Variants in RAD51D observed in about 807,000 individuals in gnomAD.
RAD51D encodes RAD51 paralog D, also known as DNA repair protein RAD51 homolog 4.
A neutral mutation model predicts 44.1 loss-of-function variants in RAD51D; 38 were observed. The observed-to-expected ratio is 0.86, with a 90% CI of 0.67 to 1.13. The LOEUF is 1.13. Among genes scored for constraint, RAD51D ranks in the 50% most tolerant of loss-of-function variants. RAD51D has a pLI of 0.00. For missense variants in RAD51D, 390 were observed against 414.0 expected (o/e 0.94, Z 0.50); for synonymous variants, 141 against 166.6 (o/e 0.85, Z 1.18).
At chr17:35,106,530 G>T in intron 5 of RAD51D, 49 bp from the exon 6 acceptor site, 1 of 1,414,080 alleles carries the variant, frequency 7.1e-7, no homozygotes. Context: ...GAGGGAGTAG[G>T]GGGGTCAAGG....
At chr17:35,116,803 G>T in intron 3 of RAD51D, 1 of 1,363,972 alleles carries the variant, frequency 7.3e-7, no homozygotes, top group Non-Finnish European at 1.0e-6. Flanking sequence ...CTAGAATGAT[G>T]ATTTAAACAG....
rs904035145 is a variant in RAD51D, at chr17:35,100,886, G to A, written c.*67C>T. ...AGTGCCAGGTGGCAGTAAACAGCAG[G>A]CGTTACTGGGAAGAAAAGTTGGGAG... On this transcript the variant is annotated 3_prime_UTR_variant, in exon 10 of 10. Transcript: ENST00000345365. 7.5e-7 allele frequency: 1 copy of A among 1,327,244 alleles called. No homozygotes were observed. Among genetic ancestry groups the A allele is most frequent in the Admixed American group, 1.7e-5 (1 of 59,516 alleles). The allele number at this position is 1,327,244 out of a possible 1,614,324, so 82.2% of individuals were successfully genotyped here.
At chr17:35,116,919 C>T (rs2091756261) in intron 3 of RAD51D, 1 of 1,609,662 alleles carries the variant, frequency 6.2e-7, no homozygotes. Flanking sequence ...TCCATCTGTT[C>T]CTCCATGCCC....
rs1340405420 is a variant in RAD51D, at chr17:35,101,320, G to T, written c.784C>A (p.Pro262Thr). The change falls in exon 9 of 10, where the codon CCT becomes ACT. Residue 262 changes from proline to threonine, a missense_variant. Pro to Thr is a conservative substitution (Grantham distance 38). Coordinates refer to ENST00000345365, the MANE Select transcript of RAD51D (RefSeq NM_002878.4). ...AAGCTCCAGGAGCGTCCGAGGGCAG[G>T]TTTGAGCCTCCCGCTGTCCCTGTCT... Reference protein sequence around the residue: ...TRDRDSGRLKPALGRSWSFVP... With the variant: ...TRDRDSGRLKTALGRSWSFVP... 1.9e-6 allele frequency: 3 copies of T among 1,614,042 alleles called. No individual in the cohort carries two copies. Among genetic ancestry groups the T allele is most frequent in the Non-Finnish European group, 2.5e-6 (3 of 1,180,040 alleles).
rs143152962 is a variant in RAD51D, at chr17:35,096,508, C to A, written c.*4445G>T. On this transcript the variant is annotated 3_prime_UTR_variant, in exon 10 of 10. Coordinates refer to ENST00000345365, the MANE Select transcript of RAD51D (RefSeq NM_002878.4). Reference sequence around the variant, plus strand: ...AGAGCAGAAGGATGCAAAGGCTCTACGCCATTTGACAATGAGCCACTAAAT... The same window carrying A: ...AGAGCAGAAGGATGCAAAGGCTCTAAGCCATTTGACAATGAGCCACTAAAT... 4.2e-4 allele frequency: 64 copies of A among 152,356 alleles called. No homozygotes were observed. Among genetic ancestry groups the A allele is most frequent in the African/African-American group, 1.4e-3 (59 of 41,582 alleles). 9.4% of individuals were successfully genotyped at this position (152,356 alleles called of 1,614,324 possible). A position where few individuals can be genotyped will look rare whatever the true frequency, so the allele number is the denominator to read the frequency against.
intron 3 of RAD51D, among the ~76,000 whole-genome samples, chr17:35,111,999 CAT>C (rs1169413090): frequency 6.6e-6 from 1 of 152,258 alleles, no homozygotes; most frequent in East Asian, 1.9e-4. Context: ...AGATTCTACA[CAT>C]GCTTTGTTAG....
At position 35,116,028 on chromosome 17, in the gene RAD51D, G is replaced by A. The variant is rs141251245; in HGVS notation, c.263+2473C>T. ...AAGAAAGAAAGGCTAGAAACCTGGT[G>A]AGTCAGCTTTGATTCTTCACAATAC... On this transcript the variant is annotated intron_variant, in intron 3 of 9. Coordinates refer to ENST00000345365, the MANE Select transcript of RAD51D (RefSeq NM_002878.4). Among the ~76,000 whole-genome samples the A allele has an allele frequency of 7.1e-3, 837 of 117,112 alleles. 19 individuals carry two copies. In the East Asian group the frequency reaches 0.088, roughly 12 times the overall value. The allele number at this position is 117,112 out of a possible 152,430, so 76.8% of individuals were successfully genotyped here. A position where few individuals can be genotyped will look rare whatever the true frequency, so the allele number is the denominator to read the frequency against.
In RAD51D at chr17:35,099,619, C is replaced by G. The variant is rs1475972500; in HGVS notation, c.*1334G>C. 3 of 361,162 alleles carry G rather than the reference C, an allele frequency of 8.3e-6. No individual in the cohort carries two copies. Among genetic ancestry groups the G allele is most frequent in the Non-Finnish European group, 1.6e-5 (3 of 184,480 alleles). The allele number at this position is 361,162 out of a possible 1,614,324, so 22.4% of individuals were successfully genotyped here. On this transcript the variant is annotated 3_prime_UTR_variant, in exon 10 of 10. Transcript: ENST00000345365. ...CAGTTTGCCACTCCTTCCCAATCCTCCATGATTCTATCCCTGTTGCATTCA... is the reference window on the plus strand; with the variant it reads ...CAGTTTGCCACTCCTTCCCAATCCTGCATGATTCTATCCCTGTTGCATTCA...
rs772276064 is a variant in RAD51D, at chr17:35,119,725, G to C, written c.-112C>G. ...CCCTTCCTAGAGAGGACACAGGCGC[G>C]CTGGCTGCCGGAGGAGAAAGGAGAG... On this transcript the variant is annotated 5_prime_UTR_variant, in exon 1 of 10. Coordinates refer to ENST00000345365, the MANE Select transcript of RAD51D (RefSeq NM_002878.4). 1.3e-5 allele frequency: 14 copies of C among 1,085,904 alleles called. No homozygotes were observed. The highest frequency in any genetic ancestry group is 1.7e-5 in the Non-Finnish European group (12 of 723,972). The allele number at this position is 1,085,904 out of a possible 1,614,324, so 67.3% of individuals were successfully genotyped here.
intron 3 of RAD51D, 30 bp downstream of exon 3, chr17:35,118,471 T>C (rs2142473193): frequency 1.3e-6 from 2 of 1,588,468 alleles, no homozygotes; most frequent in Non-Finnish European, 1.7e-6. Flanking sequence ...CTCCTGCCTC[T>C]CTCCTTCTTC....
chr17:35,106,191 C>G, intron 6 of RAD51D, 195 bp downstream of exon 6: 1 of 728,446 alleles, frequency 1.4e-6, no homozygotes, highest in Non-Finnish European at 2.5e-6. Flanking sequence ...TACTGTTCAG[C>G]AGGGAAGATG....
At chr17:35,118,371 C>T (rs2091773338) in intron 3 of RAD51D, 130 bp downstream of exon 3, 1 of 768,990 alleles carries the variant, frequency 1.3e-6, no homozygotes, top group African/African-American at 1.7e-5. Context: ...ATGTCCTGAC[C>T]CCTTTCCTTC....
In RAD51D at chr17:35,103,233, T is replaced by C; in HGVS notation, c.738+21A>G. 1.9e-6 allele frequency: 3 copies of C among 1,598,144 alleles called. No individual in the cohort carries two copies. Among genetic ancestry groups the C allele is most frequent in the Middle Eastern group, 2.0e-4 (1 of 5,096 alleles). On this transcript the variant is annotated intron_variant, in intron 8 of 9. Coordinates refer to ENST00000345365, the MANE Select transcript of RAD51D (RefSeq NM_002878.4). The surrounding 1 kb of genome is among the most constrained non-coding windows in gnomAD (Gnocchi z 4.1). ...CGCAATAACTAGAAATCAAGTTCATTGGCCAAGCCTGCTTCCTCACCACCA... is the reference window on the plus strand; with the variant it reads ...CGCAATAACTAGAAATCAAGTTCATCGGCCAAGCCTGCTTCCTCACCACCA...
In RAD51D at chr17:35,103,411, G is replaced by A. The variant is rs200970026; in HGVS notation, c.667+43C>T. Reference sequence around the variant, plus strand: ...AGACCAGACTCCAGAGCTGGGAGGCGAGGTCACATTCCACTGGCCCCAGGC... The same window carrying A: ...AGACCAGACTCCAGAGCTGGGAGGCAAGGTCACATTCCACTGGCCCCAGGC... On this transcript the variant is annotated intron_variant, in intron 7 of 9. Coordinates refer to ENST00000345365, the MANE Select transcript of RAD51D (RefSeq NM_002878.4). The surrounding 1 kb of genome is among the most constrained non-coding windows in gnomAD (Gnocchi z 4.1). 15 of 1,608,676 alleles carry A rather than the reference G, an allele frequency of 9.3e-6. No individual in the cohort carries two copies. Among genetic ancestry groups the A allele is most frequent in the East Asian group, 6.7e-5 (3 of 44,848 alleles).
Position 35,096,898 on chromosome 17 carries a change from CT to C in RAD51D, c.*4054del, listed in dbSNP as rs2091489101. The C allele has an allele frequency of 9.6e-3, 1 of 104 alleles. No homozygotes were observed. The highest frequency in any genetic ancestry group is 0.05 in the African/African-American group (1 of 20). 0.0% of individuals were successfully genotyped at this position (104 alleles called of 1,614,324 possible). ...ATAAGTGTCCCTAGTATTTACACTT[CT>C]TTAAGCCTAGGTTTTGTTACTTGCA... On this transcript the variant is annotated 3_prime_UTR_variant, in exon 10 of 10. Coordinates refer to ENST00000345365, the MANE Select transcript of RAD51D (RefSeq NM_002878.4).
intron 6 of RAD51D, chr17:35,106,147 T>C (rs760170921): frequency 1.5e-6 from 1 of 672,232 alleles, no homozygotes; most frequent in South Asian, 1.4e-5. Context: ...AATGCAGACA[T>C]AAATATGACA....
intron 9 of RAD51D, 39 bp downstream of exon 9, chr17:35,101,162 G>A (rs761510747): frequency 6.2e-7 from 1 of 1,614,026 alleles, no homozygotes; most frequent in South Asian, 1.1e-5. Flanking sequence ...CCACCCTCCA[G>A]GGCCCAAGAT....
At chr17:35,112,100 C>T (rs551229397) in intron 3 of RAD51D, among the ~76,000 whole-genome samples, 7 of 152,274 alleles carry the variant, frequency 4.6e-5, no homozygotes, top group East Asian at 3.9e-4. Context: ...TTTTTTGAGA[C>T]GGAGTCTCGC....
chr17:35,110,316 A>G (rs891136735), intron 3 of RAD51D, among the ~76,000 whole-genome samples: 1 of 151,946 alleles, frequency 6.6e-6, no homozygotes, highest in African/African-American at 2.4e-5. Context: ...GGGTTTTAAG[A>G]ATTCTTTCTT....
Sources: gnomAD v4.1 joint callset for allele counts (sites outside exome capture counted in the v4.1 genomes callset) on GRCh38, gnomAD v4.1.1 for gene constraint, Gnocchi (gnomAD v3.1) non-coding constraint, MANE v1.5 for transcripts, NCBI Gene and HGNC (gene_info 2026-07-23, HGNC 2026-07-21) for gene names.